ANKEF1: variants seen among roughly 807,000 people sequenced by gnomAD.
ANKEF1 encodes the protein ankyrin repeat and EF-hand domain-containing protein 1.
Under a neutral mutation model 65.1 loss-of-function variants are expected in ANKEF1, and 43 were observed. The ratio of observed to expected loss-of-function variants is 0.66; its 90% CI spans 0.52 to 0.85. The LOEUF is 0.85. ANKEF1 is among the 40% of genes least tolerant of loss of function. ANKEF1 has a pLI of 0.00. For missense variants in ANKEF1, 934 were observed against 952.9 expected, an observed-to-expected ratio of 0.98 and a Z score of 0.26; for synonymous variants, 316 against 341.5, an observed-to-expected ratio of 0.93 and a Z score of 0.82.
chr20:10,041,452 C>G (rs1385696362), intron 3 of ANKEF1, among the ~76,000 whole-genome samples: 1 of 151,880 alleles, frequency 6.6e-6, no homozygotes, highest in East Asian at 1.9e-4. Flanking sequence ...AGTACAATAA[C>G]CCTTCCTCTT....
chr20:10,045,328 T>C (rs1158017935), intron 5 of ANKEF1, among the ~76,000 whole-genome samples: 1 of 152,202 alleles, frequency 6.6e-6, no homozygotes, highest in Non-Finnish European at 1.5e-5. Context: ...ATGGGCATAT[T>C]CTATGTTTGT....
intron 10 of ANKEF1, 85 bp downstream of exon 10, chr20:10,054,684 C>A: frequency 7.4e-7 from 1 of 1,344,582 alleles, no homozygotes; most frequent in Non-Finnish European, 1.0e-6. Context: ...AATATCCAAA[C>A]AAATCTGCAC....
intron 8 of ANKEF1, 97 bp from the exon 9 acceptor site, chr20:10,053,015 A>C: frequency 8.0e-7 from 1 of 1,252,046 alleles, no homozygotes; most frequent in Non-Finnish European, 1.1e-6. Flanking sequence ...CACCCTTATT[A>C]GGGCAGGCTT....
At position 10,041,084 on chromosome 20, in the gene ANKEF1, T is replaced by A. The variant is rs181896464; in HGVS notation, c.347-2038T>A. On this transcript the variant is annotated intron_variant, in intron 3 of 10. Coordinates refer to ENST00000378392, the MANE Select transcript of ANKEF1 (RefSeq NM_022096.6). ...TTAATGGTGGAATTTATCCAATTTA[T>A]AGTTATCTAGATTTCCCATAGGGTT... Among the ~76,000 whole-genome samples, 68 of 152,110 alleles carry A rather than the reference T, an allele frequency of 4.5e-4. No homozygotes were observed. In the East Asian group the frequency reaches 0.013, roughly 29 times the overall value.
At chr20:10,039,920 C>G (rs966400138) in intron 3 of ANKEF1, among the ~76,000 whole-genome samples, 1 of 151,886 alleles carries the variant, frequency 6.6e-6, no homozygotes, top group African/African-American at 2.4e-5. Flanking sequence ...AATAGAGAAA[C>G]GTTTAACTTA....
chr20:10,055,623 A>G lies in ANKEF1; in HGVS notation c.2294A>G (p.Glu765Gly), dbSNP rs373757490. ...FMMPFQKNIT[E>G]KARALEAALK... is the part of the protein sequence containing the mutation. ...ATGCCTTTTCAGAAGAACATCACAGAGAAAGCTCGAGCACTGGAAGCTGCC... is the reference window on the plus strand; with the variant it reads ...ATGCCTTTTCAGAAGAACATCACAGGGAAAGCTCGAGCACTGGAAGCTGCC... The change falls in exon 11 of 11, where the codon GAG (glutamate) becomes GGG (glycine). Residue 765 changes from glutamate (E) to glycine (G), a missense_variant. Glu to Gly is a moderately conservative substitution (Grantham distance 98). Transcript: ENST00000378392. 3.1e-6 allele frequency: 5 copies of G among 1,613,722 alleles called. No homozygotes were observed. In the African/African-American group the frequency reaches 4.0e-5, roughly 13 times the overall value.
At chr20:10,055,190 G>T (rs1239248950) in intron 10 of ANKEF1, among the ~76,000 whole-genome samples, 1 of 152,092 alleles carries the variant, frequency 6.6e-6, no homozygotes, top group Non-Finnish European at 1.5e-5. Flanking sequence ...TTGCTTCCCT[G>T]TTTTGGCATC....
intron 6 of ANKEF1, 102 bp from the exon 7 acceptor site, chr20:10,049,288 T>G: frequency 8.7e-7 from 1 of 1,145,616 alleles, no homozygotes; most frequent in Admixed American, 2.3e-5. Context: ...GGACACATTT[T>G]TTACTAATCA....
chr20:10,039,069 G>A (rs1427187165), intron 3 of ANKEF1, among the ~76,000 whole-genome samples: 1 of 152,234 alleles, frequency 6.6e-6, no homozygotes, highest in Non-Finnish European at 1.5e-5. Context: ...CTCAATAGCA[G>A]TCTGATGTAG....
At chr20:10,037,193 G>C (rs1176385372) in intron 2 of ANKEF1, among the ~76,000 whole-genome samples, 2 of 152,108 alleles carry the variant, frequency 1.3e-5, no homozygotes, top group Non-Finnish European at 2.9e-5. Flanking sequence ...CCAAAATAAG[G>C]TGACGGGGGA....
At chr20:10,051,615 T>A in intron 7 of ANKEF1, 48 bp from the exon 8 acceptor site, 1 of 1,427,538 alleles carries the variant, frequency 7.0e-7, no homozygotes, top group Non-Finnish European at 9.8e-7. Context: ...TAGTGTCCAG[T>A]CATTGGAAAA....
intron 2 of ANKEF1, among the ~76,000 whole-genome samples, chr20:10,037,291 C>G (rs903620240): frequency 2.0e-5 from 3 of 152,126 alleles, no homozygotes; most frequent in African/African-American, 7.2e-5. Context: ...CAGTCTCTCT[C>G]CATCCTCCAA....
At chr20:10,050,859 G>A (rs954532727) in intron 7 of ANKEF1, among the ~76,000 whole-genome samples, 1 of 152,142 alleles carries the variant, frequency 6.6e-6, no homozygotes, top group Non-Finnish European at 1.5e-5. Flanking sequence ...ACATGCTTTG[G>A]TCCCAAAACC....
intron 6 of ANKEF1, among the ~76,000 whole-genome samples, chr20:10,046,438 TGG>T (rs1288799083): frequency 6.6e-6 from 1 of 152,112 alleles, no homozygotes; most frequent in African/African-American, 2.4e-5. Flanking sequence ...GAAAATAATT[TGG>T]GGGAAAACAT....
At chr20:10,038,729 C>A in intron 3 of ANKEF1, 82 bp downstream of exon 3, 1 of 1,116,212 alleles carries the variant, frequency 9.0e-7, no homozygotes, top group South Asian at 1.7e-5. Flanking sequence ...TTTTGTTTTC[C>A]AACTTTAGAA....
At chr20:10,037,574 G>A (rs372051465) in intron 2 of ANKEF1, among the ~76,000 whole-genome samples, 1 of 152,208 alleles carries the variant, frequency 6.6e-6, no homozygotes, top group East Asian at 1.9e-4. Context: ...GATTCCCTAT[G>A]TGATAATGGA....
chr20:10,050,136 A>C lies in ANKEF1; in HGVS notation c.1567A>C (p.Asn523His), dbSNP rs1984766533. 1 of 1,614,158 alleles carries C rather than the reference A, an allele frequency of 6.2e-7. No individual in the cohort carries two copies. ...ESGIPVDMKD[N>H]YYKTPLMTAC... ...AGGAATACCTGTGGATATGAAGGAT[A>C]ATTATTACAAAACTCCGCTAATGAC... is the stretch of plus-strand genomic sequence containing the variant. The change falls in exon 7 of 11, where the codon AAT (asparagine) becomes CAT (histidine). Residue 523 changes from asparagine (N) to histidine (H), a missense_variant. Asn to His is a moderately conservative substitution (Grantham distance 68). Transcript: ENST00000378392.
Position 10,057,121 on chromosome 20 carries a change from CCAATTGCAGATT to C in ANKEF1, c.*1462_*1473del, listed in dbSNP as rs1273406267. 6.6e-6 allele frequency: 1 copy of C among 152,200 alleles called. No homozygotes were observed. Among genetic ancestry groups the C allele is most frequent in the Non-Finnish European group, 1.5e-5 (1 of 68,042 alleles). The allele number at this position is 152,200 out of a possible 1,614,324, so 9.4% of individuals were successfully genotyped here. A position where few individuals can be genotyped will look rare whatever the true frequency, so the allele number is the denominator to read the frequency against. On this transcript the variant is annotated 3_prime_UTR_variant, in exon 11 of 11. Coordinates refer to ENST00000378392, the MANE Select transcript of ANKEF1 (RefSeq NM_022096.6). ...TTAGAATCTGCCTTACCAGAAGGCA[CCAATTGCAGATT>C]ACAGCTCTGTCAGTCACGTATGGAT...
Position 10,056,504 on chromosome 20 carries a change from A to AGATAGATAGAT in ANKEF1, c.*845_*855dup, listed in dbSNP as rs1555773791. 10 of 150,062 alleles carry AGATAGATAGAT rather than the reference A, an allele frequency of 6.7e-5. No homozygotes were observed. Among genetic ancestry groups the AGATAGATAGAT allele is most frequent in the African/African-American group, 2.5e-4 (10 of 40,494 alleles). 9.3% of individuals were successfully genotyped at this position (150,062 alleles called of 1,614,324 possible). A position where few individuals can be genotyped will look rare whatever the true frequency, so the allele number is the denominator to read the frequency against. On this transcript the variant is annotated 3_prime_UTR_variant, in exon 11 of 11. Transcript: ENST00000378392. Reference sequence around the variant, plus strand: ...ATAGATAGATAGATAGATGATAGATAGATAGATAGATAGATAGATAGATAG... The same window carrying AGATAGATAGAT: ...ATAGATAGATAGATAGATGATAGATAGATAGATAGATGATAGATAGATAGATAGATAGATAG...
Sources: allele counts gnomAD v4.1 joint callset (sites outside exome capture counted in the v4.1 genomes callset), GRCh38; gene constraint gnomAD v4.1.1; transcripts MANE v1.5; gene names NCBI Gene and HGNC (gene_info 2026-07-23, HGNC 2026-07-21).